Variants in IL19 observed in about 807,000 individuals in gnomAD.
The protein encoded by IL19 is interleukin-19.
A neutral mutation model predicts 19.5 loss-of-function variants in IL19; 15 were observed. The observed-to-expected ratio is 0.77, with a 90% confidence interval of 0.52 to 1.19. The LOEUF is 1.19. IL19 is among the 50% of genes most tolerant of loss of function. The pLI, the probability that IL19 is intolerant of heterozygous loss-of-function variation, is 0.00. For synonymous variants in IL19, 78 were observed against 78.3 expected (o/e 1.00, Z 0.02); for missense variants, 199 against 213.1 (o/e 0.93, Z 0.41).
intron 2 of IL19, among the ~76,000 whole-genome samples, chr1:206,831,207 G>A (rs546244013): frequency 1.1e-4 from 16 of 152,296 alleles, no homozygotes; most frequent in Non-Finnish European, 1.2e-4. Flanking sequence ...CATGTTAGGC[G>A]GGGATAAGGA....
At chr1:206,814,241 A>G (rs1209572648) in intron 2 of IL19, among the ~76,000 whole-genome samples, 1 of 152,094 alleles carries the variant, frequency 6.6e-6, no homozygotes, top group Non-Finnish European at 1.5e-5. Flanking sequence ...TTGAACGGCA[A>G]TTATGAGCAC....
At chr1:206,827,522 C>T (rs938072167) in intron 2 of IL19, among the ~76,000 whole-genome samples, 1 of 152,012 alleles carries the variant, frequency 6.6e-6, no homozygotes, top group African/African-American at 2.4e-5. Context: ...AACCCCGTCT[C>T]TACTAAAAAT....
At chr1:206,807,411 A>G (rs1339928035) in intron 2 of IL19, among the ~76,000 whole-genome samples, 2 of 152,164 alleles carry the variant, frequency 1.3e-5, no homozygotes, top group Non-Finnish European at 2.9e-5. Flanking sequence ...CTATAGTCAT[A>G]TAGCCACTGA....
intron 1 of IL19, among the ~76,000 whole-genome samples, chr1:206,794,890 A>G (rs11119570): frequency 0.45 from 68,331 of 151,984 alleles, 15,816 homozygotes; most frequent in East Asian, 0.65. Flanking sequence ...TGAATTGGCA[A>G]AAGTGCTGTG....
At chr1:206,779,182 C>T (rs1675074190) in intron 1 of IL19, among the ~76,000 whole-genome samples, 1 of 152,194 alleles carries the variant, frequency 6.6e-6, no homozygotes, top group African/African-American at 2.4e-5. Flanking sequence ...GGCTCGTAAA[C>T]ATGCTCTCCA....
rs149181113 is a variant in IL19 at position 206,778,375 on chromosome 1, T to G, written c.-149+7297T>G. On this transcript the variant is annotated intron_variant, in intron 1 of 6. Transcript: ENST00000659997. ...CCTTGGCCACCCAGAGGACCATAGT[T>G]GTTTCTGCTCTGTCTGCATGACTAC... Among the ~76,000 whole-genome samples, 341 of 152,272 alleles carry G rather than the reference T, an allele frequency of 2.2e-3. 2 individuals carry two copies. Among genetic ancestry groups the G allele is most frequent in the African/African-American group, 7.7e-3 (320 of 41,562 alleles).
At chr1:206,779,723 C>T (rs1271025303) in intron 1 of IL19, among the ~76,000 whole-genome samples, 1 of 152,146 alleles carries the variant, frequency 6.6e-6, no homozygotes, top group East Asian at 1.9e-4. Context: ...CTATAACTTC[C>T]TTTATCATCT....
chr1:206,780,220 T>C (rs1675099456), intron 1 of IL19, among the ~76,000 whole-genome samples: 1 of 152,232 alleles, frequency 6.6e-6, no homozygotes, highest in Non-Finnish European at 1.5e-5. Context: ...ATGTGATCAT[T>C]TGATTGACCT....
chr1:206,776,954 G>C (rs1384287394), intron 1 of IL19, among the ~76,000 whole-genome samples: 1 of 149,460 alleles, frequency 6.7e-6, no homozygotes, highest in Non-Finnish European at 1.5e-5. Flanking sequence ...CTCCCTTGTC[G>C]GGCACGGTGG....
Position 206,771,077 on chromosome 1 carries a change from AG to A in IL19, c.-149+1del. ...AGGTAACCCTAAGGGCAGGAGCCAA[AG>A]GTGAGTGAGAGATTGGCGGAGGTGG... On this transcript the variant is annotated splice_region_variant and 5_prime_UTR_variant, in exon 1 of 7. An upstream open reading frame in the 5' UTR gains an earlier in-frame stop. Coordinates refer to ENST00000659997, the MANE Select transcript of IL19 (RefSeq NM_153758.5). 2 of 1,613,956 alleles carry A rather than the reference AG, an allele frequency of 1.2e-6. No homozygotes were observed. Among genetic ancestry groups the A allele is most frequent in the Non-Finnish European group, 1.7e-6 (2 of 1,179,890 alleles).
chr1:206,840,455 A>G, intron 5 of IL19: 1 of 272,246 alleles, frequency 3.7e-6, no homozygotes, highest in South Asian at 4.1e-5. Context: ...ACAAACCAAC[A>G]AAAACTTAGA....
chr1:206,771,003 C>T lies in IL19; in HGVS notation c.-224C>T. 1 of 1,614,172 alleles carries T rather than the reference C, an allele frequency of 6.2e-7. No homozygotes were observed. The highest frequency in any genetic ancestry group is 8.5e-7 in the Non-Finnish European group (1 of 1,180,000). On this transcript the variant is annotated 5_prime_UTR_variant, in exon 1 of 7. Transcript: ENST00000659997. ...GGTCTTGGTTCTCAGCTTGGGGCATCACCTCCTCCAGGTAAAACTGGATCA... is the reference window on the plus strand; with the variant it reads ...GGTCTTGGTTCTCAGCTTGGGGCATTACCTCCTCCAGGTAAAACTGGATCA...
intron 1 of IL19, among the ~76,000 whole-genome samples, chr1:206,797,705 G>T (rs961205817): frequency 3.3e-5 from 5 of 152,140 alleles, no homozygotes; most frequent in African/African-American, 9.7e-5. Context: ...AGGTTCCGTG[G>T]CCAAAGGAGG....
At chr1:206,816,138 A>G (rs1174309455) in intron 2 of IL19, among the ~76,000 whole-genome samples, 1 of 152,176 alleles carries the variant, frequency 6.6e-6, no homozygotes, top group African/African-American at 2.4e-5. Flanking sequence ...TCAGGCATAT[A>G]AAAGTTGAAA....
intron 1 of IL19, among the ~76,000 whole-genome samples, chr1:206,796,343 A>G (rs769226040): frequency 2.0e-5 from 3 of 152,230 alleles, no homozygotes; most frequent in Non-Finnish European, 4.4e-5. Flanking sequence ...CCCAGAAATC[A>G]TGCTTAACCA....
chr1:206,812,576 A>G (rs903717751), intron 2 of IL19, among the ~76,000 whole-genome samples: 8 of 152,162 alleles, frequency 5.3e-5, no homozygotes, highest in African/African-American at 1.9e-4. Context: ...TAGGATTTTC[A>G]TGTCCAATAG....
Position 206,823,791 on chromosome 1 carries a change from G to A in IL19, c.-2-12870G>A, listed in dbSNP as rs571860011. Reference sequence around the variant, plus strand: ...GGAGCCATCACTGAAGGATAAGAATGGGTAAGAAATGCAGGGAATAAACAG... The same window carrying A: ...GGAGCCATCACTGAAGGATAAGAATAGGTAAGAAATGCAGGGAATAAACAG... On this transcript the variant is annotated intron_variant, in intron 2 of 6. Transcript: ENST00000659997. Among the ~76,000 whole-genome samples the A allele has an allele frequency of 2.9e-4, 44 of 152,288 alleles. 3 individuals are homozygous for A. The highest frequency in any genetic ancestry group is 1.0e-3 in the African/African-American group (42 of 41,550).
At chr1:206,778,809 C>A (rs1000436819) in intron 1 of IL19, among the ~76,000 whole-genome samples, 13 of 152,150 alleles carry the variant, frequency 8.5e-5, no homozygotes, top group Non-Finnish European at 2.9e-5. Flanking sequence ...ATTTGTTGGT[C>A]CCTCCCTCTT....
intron 2 of IL19, among the ~76,000 whole-genome samples, chr1:206,826,485 G>A (rs1479292077): frequency 2.6e-5 from 4 of 152,292 alleles, no homozygotes; most frequent in South Asian, 2.1e-4. Context: ...TGCAGTCCTC[G>A]TCCCTGGCCT....
Sources: allele counts gnomAD v4.1 joint callset (sites outside exome capture counted in the v4.1 genomes callset), GRCh38; gene constraint gnomAD v4.1.1; transcripts MANE v1.5; gene names NCBI Gene and HGNC (gene_info 2026-07-23, HGNC 2026-07-21).